CRTC3: variants seen among roughly 807,000 people sequenced by gnomAD.
CRTC3 encodes CREB-regulated transcription coactivator 3.
In CRTC3, 26 loss-of-function variants were observed where a neutral mutation model predicts 74.5. The observed-to-expected ratio is 0.35, with a 90% CI of 0.26 to 0.48. The LOEUF is 0.48. Ranked by LOEUF, CRTC3 falls within the 20% of genes least tolerant of loss-of-function variation. The pLI, the probability that CRTC3 is intolerant of heterozygous loss-of-function variation, is 0.99. For synonymous variants in CRTC3, 377 were observed against 325.8 expected (o/e 1.16, Z -1.69); for missense variants, 760 against 787.3 (o/e 0.97, Z 0.41).
chr15:90,547,085 TC>T (rs1966845594), intron 2 of CRTC3, among the ~76,000 whole-genome samples: 1 of 152,210 alleles, frequency 6.6e-6, no homozygotes, highest in Non-Finnish European at 1.5e-5. Context: ...TATACAATTC[TC>T]CTTTTATTTT....
intron 1 of CRTC3, among the ~76,000 whole-genome samples, chr15:90,532,917 T>C (rs542950456): frequency 6.7e-6 from 1 of 149,632 alleles, no homozygotes; most frequent in Admixed American, 6.7e-5. Flanking sequence ...AAACCCCGTT[T>C]CTACTAAAAG....
chr15:90,629,699 G>C (rs183181862), intron 11 of CRTC3, among the ~76,000 whole-genome samples, 167 bp downstream of exon 11: 22 of 152,318 alleles, frequency 1.4e-4, no homozygotes, highest in African/African-American at 5.1e-4. Context: ...GAGCAGAAGT[G>C]TCAATAATGC....
rs370300760 is a variant in CRTC3 at position 90,638,429 on chromosome 15, G to C, written c.1267-17G>C. 197 of 1,611,830 alleles carry C rather than the reference G, an allele frequency of 1.2e-4. No homozygotes were observed. The African/African-American group carries it at 2.5e-3, about 21-fold the overall frequency. On this transcript the variant is annotated splice_polypyrimidine_tract_variant and intron_variant, in intron 11 of 14. Transcript: ENST00000268184. ...AACGCAGAAGCTCATTAGTGGCTTTGTGTGTTTGTTTTGCAGATGGTGTCC... is the reference window on the plus strand; with the variant it reads ...AACGCAGAAGCTCATTAGTGGCTTTCTGTGTTTGTTTTGCAGATGGTGTCC...
rs1393108125 is a variant in CRTC3, at chr15:90,644,784, T to A, written c.*2644T>A. The A allele has an allele frequency of 4.3e-6, 1 of 232,604 alleles. No individual in the cohort carries two copies. The highest frequency in any genetic ancestry group is 8.5e-6 in the Non-Finnish European group (1 of 117,654). The allele number at this position is 232,604 out of a possible 1,614,324, so 14.4% of individuals were successfully genotyped here. The stretch of plus-strand genomic sequence containing the variant: ...GCCTTTGTAACAAAACCAGTTGTGG[T>A]CCTCAGCATTTGAAGCAGCTGCATA... On this transcript the variant is annotated 3_prime_UTR_variant, in exon 15 of 15. Transcript: ENST00000268184.
chr15:90,562,973 T>C (rs546953269), intron 2 of CRTC3, among the ~76,000 whole-genome samples: 3 of 152,332 alleles, frequency 2.0e-5, no homozygotes, highest in South Asian at 4.1e-4. Context: ...CCTGTGCTTG[T>C]CTCTCTCAGT....
chr15:90,548,938 C>T (rs1966849335), intron 2 of CRTC3, among the ~76,000 whole-genome samples: 1 of 152,048 alleles, frequency 6.6e-6, no homozygotes, highest in South Asian at 2.1e-4. Context: ...AAATTTATTC[C>T]CTAGAGTTTA....
chr15:90,556,982 A>G lies in CRTC3; in HGVS notation c.231+16845A>G, dbSNP rs372133039. 5.1e-5 allele frequency among the ~76,000 whole-genome samples: 3 copies of G among 59,168 alleles called. No individual in the cohort carries two copies. In the South Asian group the frequency reaches 1.9e-3, roughly 37 times the overall value. The allele number at this position is 59,168 out of a possible 152,430, so 38.8% of individuals were successfully genotyped here. ...GCTATATATATATATATATATATAT[A>G]TATATATATATATATATCTTTATAA... On this transcript the variant is annotated intron_variant, in intron 2 of 14. Transcript: ENST00000268184.
chr15:90,536,804 G>A (rs1178430564), intron 1 of CRTC3, among the ~76,000 whole-genome samples: 1 of 152,214 alleles, frequency 6.6e-6, no homozygotes, highest in African/African-American at 2.4e-5. Context: ...CCATCGTGAA[G>A]GGATAATAGG....
At chr15:90,533,416 G>T (rs887698392) in intron 1 of CRTC3, among the ~76,000 whole-genome samples, 2 of 58,720 alleles carry the variant, frequency 3.4e-5, no homozygotes, top group East Asian at 3.9e-4. Flanking sequence ...GCGAGACTCC[G>T]CCTAGGAAAA....
At chr15:90,599,513 ACTT>A (rs748173602) in intron 3 of CRTC3, 3 of 152,198 alleles carry the variant, frequency 2.0e-5, no homozygotes, top group Non-Finnish European at 4.4e-5. Flanking sequence ...GAACAAATAA[ACTT>A]CTTCTAGATT....
At chr15:90,567,037 C>G (rs576002044) in intron 2 of CRTC3, among the ~76,000 whole-genome samples, 1 of 152,162 alleles carries the variant, frequency 6.6e-6, no homozygotes, top group South Asian at 2.1e-4. Context: ...ATGAAACAGT[C>G]TCTTTTGGAA....
intron 2 of CRTC3, among the ~76,000 whole-genome samples, chr15:90,555,347 T>C (rs1966879041): frequency 6.6e-6 from 1 of 152,234 alleles, no homozygotes; most frequent in South Asian, 2.1e-4. Context: ...ATTTATTCAT[T>C]AATAAGTATT....
intron 1 of CRTC3, among the ~76,000 whole-genome samples, chr15:90,535,161 CAA>C (rs34328900): frequency 6.4e-4 from 82 of 128,388 alleles, no homozygotes; most frequent in African/African-American, 1.6e-3. Flanking sequence ...AACTCCGTCT[CAA>C]AAAAAAAAAA....
At chr15:90,631,926 C>T (rs916645411) in intron 11 of CRTC3, among the ~76,000 whole-genome samples, 1 of 151,426 alleles carries the variant, frequency 6.6e-6, no homozygotes, top group Admixed American at 6.6e-5. Context: ...TTAGAGACAG[C>T]GTTTCACTCT....
chr15:90,574,007 G>C (rs1397769043), intron 2 of CRTC3, among the ~76,000 whole-genome samples: 2 of 152,198 alleles, frequency 1.3e-5, no homozygotes, highest in Non-Finnish European at 2.9e-5. Context: ...ATGAAGTTAA[G>C]TGAATAAAGT....
intron 11 of CRTC3, among the ~76,000 whole-genome samples, chr15:90,636,606 C>CA (rs1969247387): frequency 6.6e-6 from 1 of 152,092 alleles, no homozygotes; most frequent in Non-Finnish European, 1.5e-5. Context: ...AAACTACCAT[C>CA]AGAGTGAACA....
intron 4 of CRTC3, among the ~76,000 whole-genome samples, chr15:90,603,777 A>G (rs1968146303): frequency 6.6e-6 from 1 of 152,210 alleles, no homozygotes; most frequent in African/African-American, 2.4e-5. Context: ...CTTACTGTGT[A>G]TAATGTAGTC....
At chr15:90,630,754 T>TC in intron 11 of CRTC3, among the ~76,000 whole-genome samples, 1 of 57,972 alleles carries the variant, frequency 1.7e-5, no homozygotes, top group African/African-American at 4.8e-5. Flanking sequence ...TATTACAGCA[T>TC]CATTTTTTTT....
At chr15:90,592,537 C>G (rs1967824250) in intron 2 of CRTC3, among the ~76,000 whole-genome samples, 1 of 152,142 alleles carries the variant, frequency 6.6e-6, no homozygotes, top group Non-Finnish European at 1.5e-5. Context: ...ATACCAGTCT[C>G]AAAAATGTTA....
Sources: allele counts gnomAD v4.1 joint callset (sites outside exome capture counted in the v4.1 genomes callset), GRCh38; gene constraint gnomAD v4.1.1; transcripts MANE v1.5; gene names NCBI Gene and HGNC (gene_info 2026-07-23, HGNC 2026-07-21).